SIRPG: variants seen among roughly 807,000 people sequenced by gnomAD.
The protein encoded by SIRPG is signal-regulatory protein gamma.
SIRPG carries 38 observed loss-of-function variants against 35.7 expected under a neutral mutation model. That is an observed-to-expected ratio of 1.06 (90% CI 0.82 to 1.40). The LOEUF is 1.40. Among genes scored for constraint, SIRPG ranks in the 40% most tolerant of loss-of-function variants. The probability of loss-of-function intolerance (pLI) is 0.00; values close to 1 mark genes in which losing one functional copy is unlikely to be tolerated. For synonymous variants in SIRPG, 215 were observed against 190.4 expected, an observed-to-expected ratio of 1.13 and a Z score of -1.06; for missense variants, 519 against 483.0, an observed-to-expected ratio of 1.07 and a Z score of -0.70.
chr20:1,662,470 G>T (rs539334889), upstream of SIRPG, among the ~76,000 whole-genome samples: 3 of 152,230 alleles, frequency 2.0e-5, no homozygotes, highest in Admixed American at 1.3e-4. Context: ...TTGTTCTTTC[G>T]CTTGTTCCAT....
At chr20:1,636,680 T>C (rs2091805918) in intron 2 of SIRPG, among the ~76,000 whole-genome samples, 175 bp from the exon 3 acceptor site, 1 of 152,098 alleles carries the variant, frequency 6.6e-6, no homozygotes, top group Admixed American at 6.6e-5. Context: ...TTGGAAGAGG[T>C]GACGACCAGC....
chr20:1,633,779 A>G (rs1300262557), intron 4 of SIRPG: 2 of 152,210 alleles, frequency 1.3e-5, no homozygotes, highest in South Asian at 2.1e-4. Context: ...TCCTCCTGGT[A>G]TTACACAAGA....
the SIRPG span, among the ~76,000 whole-genome samples, chr20:1,673,903 G>T: frequency 6.6e-6 from 1 of 152,214 alleles, no homozygotes; most frequent in Admixed American, 6.5e-5. Flanking sequence ...TGTTAAAGTT[G>T]TTCCCAACAC....
chr20:1,650,960 G>A (rs755422815), intron 1 of SIRPG, among the ~76,000 whole-genome samples: 1 of 152,184 alleles, frequency 6.6e-6, no homozygotes, highest in Non-Finnish European at 1.5e-5. Context: ...GGGATGATAT[G>A]TTCAAAATGC....
chr20:1,655,159 T>G lies in SIRPG; in HGVS notation c.73+2483A>C, dbSNP rs544451403. ...TTAAAAATATAACTCTTATCTGATC[T>G]GGTAATCTCACTACTGGCATATATC... On this transcript the variant is annotated intron_variant, in intron 1 of 5. Transcript: ENST00000303415. Among the ~76,000 whole-genome samples, 6 of 152,306 alleles carry G rather than the reference T, an allele frequency of 3.9e-5. No individual in the cohort carries two copies. In the East Asian group the frequency reaches 1.2e-3, roughly 29 times the overall value.
chr20:1,648,986 T>A (rs373563878), intron 2 of SIRPG, 66 bp downstream of exon 2: 59 of 1,350,898 alleles, frequency 4.4e-5, no homozygotes, highest in Non-Finnish European at 6.0e-5. Context: ...GCTCAAAGAA[T>A]GGAAGGTGTT....
At chr20:1,655,602 T>A (rs1391623171) in intron 1 of SIRPG, among the ~76,000 whole-genome samples, 1 of 152,224 alleles carries the variant, frequency 6.6e-6, no homozygotes, top group East Asian at 1.9e-4. Context: ...AGATATCTAT[T>A]GTACAATGTG....
intron 1 of SIRPG, among the ~76,000 whole-genome samples, chr20:1,655,716 A>G (rs577858678): frequency 1.3e-5 from 2 of 152,312 alleles, no homozygotes; most frequent in East Asian, 1.9e-4. Context: ...GGTAATGCAT[A>G]TGTTTATTAG....
chr20:1,649,608 G>C (rs539289267), intron 1 of SIRPG, among the ~76,000 whole-genome samples, 200 bp from the exon 2 acceptor site: 3 of 149,246 alleles, frequency 2.0e-5, no homozygotes, highest in Non-Finnish European at 3.0e-5. Context: ...AGGGCACTGA[G>C]GCCTGAGGCA....
chr20:1,630,920 A>G (rs1379084750), intron 4 of SIRPG: 1 of 152,216 alleles, frequency 6.6e-6, no homozygotes, highest in African/African-American at 2.4e-5. Context: ...CACTGGACAT[A>G]ATGAAACCTT....
At chr20:1,655,215 A>G (rs1229293329) in intron 1 of SIRPG, among the ~76,000 whole-genome samples, 5 of 152,242 alleles carry the variant, frequency 3.3e-5, no homozygotes, top group African/African-American at 7.2e-5. Flanking sequence ...TGTCACACAT[A>G]TATCTGCACT....
At chr20:1,634,324 A>G (rs1197271857) in intron 4 of SIRPG, among the ~76,000 whole-genome samples, 2 of 150,688 alleles carry the variant, frequency 1.3e-5, no homozygotes, top group African/African-American at 2.4e-5. Flanking sequence ...CTCCTGCCTC[A>G]GCCTCCCGAG....
intron 4 of SIRPG, among the ~76,000 whole-genome samples, chr20:1,634,763 G>A (rs1006228079): frequency 1.3e-5 from 2 of 151,916 alleles, no homozygotes; most frequent in African/African-American, 2.4e-5. Context: ...ATTTATGTAC[G>A]CCAGGCGCGG....
chr20:1,666,715 A>G, the SIRPG span: 1 of 152,224 alleles, frequency 6.6e-6, no homozygotes, highest in Non-Finnish European at 1.5e-5. Flanking sequence ...AAGTCTACAT[A>G]GGGTAGTTTC....
intron 2 of SIRPG, among the ~76,000 whole-genome samples, chr20:1,645,885 G>A (rs1443856623): frequency 2.0e-5 from 3 of 152,214 alleles, no homozygotes; most frequent in African/African-American, 7.2e-5. Flanking sequence ...ATGATTATCA[G>A]CATCACACAG....
chr20:1,655,482 T>C (rs2091969711), intron 1 of SIRPG, among the ~76,000 whole-genome samples: 1 of 151,002 alleles, frequency 6.6e-6, no homozygotes, highest in Non-Finnish European at 1.5e-5. Context: ...GTTGAGCTCA[T>C]AGAAGTAGAA....
Position 1,636,356 on chromosome 20 carries a change from T to C in SIRPG, c.580A>G (p.Thr194Ala), listed in dbSNP as rs2091801932. 7 of 1,614,200 alleles carry C rather than the reference T, an allele frequency of 4.3e-6. No homozygotes were observed. The East Asian group carries it at 1.6e-4, about 36-fold the overall frequency. Residue 194 changes from threonine (T) to alanine (A), a missense_variant, in exon 3 of 6, where the codon ACC becomes GCC. Thr to Ala is a moderately conservative substitution (Grantham distance 58). Transcript: ENST00000303415. ...KNGNELSDFQTNVDPTGQSVA... is the reference protein window; with the variant it reads ...KNGNELSDFQANVDPTGQSVA... ...CTCTGTCCTGTGGGGTCCACGTTGG[T>C]CTGGAAGTCTGAGAGCTCATTCCCA... is the stretch of plus-strand genomic sequence containing the variant.
Position 1,636,188 on chromosome 20 carries a change from C to T in SIRPG, c.748G>A (p.Val250Ile), listed in dbSNP as rs778483181. 7.4e-6 allele frequency: 12 copies of T among 1,614,044 alleles called. No homozygotes were observed. The Admixed American group carries it at 1.8e-4, about 25-fold the overall frequency. The change falls in exon 3 of 6, where the codon GTT becomes ATT. Residue 250 changes from valine (V) to isoleucine (I), a missense_variant and splice_region_variant. Physicochemically the swap from Val to Ile is conservative, Grantham distance 29. Transcript: ENST00000303415. ...GTANLSEAIR[V>I]PPTLEVTQQP... is the part of the protein sequence containing the mutation. ...TGGGCTGGGTGTGAGGGTCCTCTAC[C>T]TCGGATGGCCTCAGACAAGTTGGCA...
intron 2 of SIRPG, among the ~76,000 whole-genome samples, chr20:1,639,365 T>C (rs1431547852): frequency 6.6e-6 from 1 of 152,248 alleles, no homozygotes; most frequent in Non-Finnish European, 1.5e-5. Context: ...ATTTCTCTAA[T>C]GATCAGTGAT....
Sources: allele counts gnomAD v4.1 joint callset (sites outside exome capture counted in the v4.1 genomes callset), GRCh38; gene constraint gnomAD v4.1.1; transcripts MANE v1.5; gene names NCBI Gene and HGNC (gene_info 2026-07-23, HGNC 2026-07-21).